SPECC1: variants seen among roughly 807,000 people sequenced by gnomAD.
SPECC1 encodes the protein sperm antigen with calponin homology and coiled-coil domains 1, also known as cytospin-B.
In SPECC1, 62 loss-of-function variants were observed where a neutral mutation model predicts 104.1. The observed-to-expected ratio is 0.60, with a 90% CI of 0.49 to 0.74. SPECC1 has a LOEUF of 0.74. Ranked by LOEUF, SPECC1 falls within the 30% of genes least tolerant of loss-of-function variation. The pLI is 0.00. For synonymous variants in SPECC1, 513 were observed against 501.6 expected, an observed-to-expected ratio of 1.02 and a Z score of -0.30; for missense variants, 1,306 against 1,310.5, an observed-to-expected ratio of 1.00 and a Z score of 0.05.
At chr17:20,025,495 C>T in intron 1 of SPECC1, among the ~76,000 whole-genome samples, 1 of 152,192 alleles carries the variant, frequency 6.6e-6, no homozygotes, top group Non-Finnish European at 1.5e-5. Flanking sequence ...GCTTCTTTCA[C>T]TTAGCATAAG....
intron 12 of SPECC1, among the ~76,000 whole-genome samples, chr17:20,283,412 C>A (rs1385954422): frequency 6.6e-6 from 1 of 152,204 alleles, no homozygotes; most frequent in Non-Finnish European, 1.5e-5. Context: ...ACAATAACAT[C>A]TTCATTAACC....
chr17:20,094,032 T>C (rs2047531225), intron 1 of SPECC1, among the ~76,000 whole-genome samples: 1 of 151,944 alleles, frequency 6.6e-6, no homozygotes, highest in Non-Finnish European at 1.5e-5. Context: ...CCAGCCTATA[T>C]TGTATATTTT....
At chr17:20,267,643 C>T (rs890798071) in intron 12 of SPECC1, among the ~76,000 whole-genome samples, 5 of 151,942 alleles carry the variant, frequency 3.3e-5, no homozygotes, top group African/African-American at 9.7e-5. Flanking sequence ...GGAGGGGGCA[C>T]GTGAGAAGGA....
At chr17:20,231,448 T>C (rs2038572579) in intron 5 of SPECC1, among the ~76,000 whole-genome samples, 1 of 152,172 alleles carries the variant, frequency 6.6e-6, no homozygotes, top group African/African-American at 2.4e-5. Context: ...TATGCAAGTG[T>C]GCATGGCCAT....
At chr17:20,193,206 T>C (rs2035787501) in intron 3 of SPECC1, among the ~76,000 whole-genome samples, 1 of 152,222 alleles carries the variant, frequency 6.6e-6, no homozygotes, top group South Asian at 2.1e-4. Flanking sequence ...GTCACTCTTG[T>C]GGCCATCTTG....
intron 11 of SPECC1, among the ~76,000 whole-genome samples, chr17:20,259,825 A>G (rs1392211868): frequency 2.0e-5 from 3 of 152,104 alleles, no homozygotes; most frequent in Non-Finnish European, 2.9e-5. Context: ...TACCTTTTAC[A>G]TGTTATTTAG....
intron 12 of SPECC1, among the ~76,000 whole-genome samples, chr17:20,284,389 C>T (rs182205606): frequency 6.6e-6 from 1 of 152,360 alleles, no homozygotes; most frequent in African/African-American, 2.4e-5. Flanking sequence ...ATGTGCAGGT[C>T]TCCACAAGTC....
intron 3 of SPECC1, among the ~76,000 whole-genome samples, chr17:20,144,055 C>G (rs1182977331): frequency 1.3e-5 from 2 of 151,926 alleles, no homozygotes; most frequent in Admixed American, 1.3e-4. Context: ...AGAGTCCTCG[C>G]TTTGAGAAAA....
chr17:20,049,221 T>G (rs1384736026), intron 1 of SPECC1, among the ~76,000 whole-genome samples: 4 of 152,160 alleles, frequency 2.6e-5, no homozygotes, highest in African/African-American at 9.7e-5. Flanking sequence ...CTCACCAACA[T>G]GATGATGTTT....
chr17:20,227,308 T>TA (rs2038278500), intron 4 of SPECC1, 105 bp from the exon 5 acceptor site: 1 of 904,394 alleles, frequency 1.1e-6, no homozygotes, highest in Non-Finnish European at 1.7e-6. Flanking sequence ...TCAGGTTTGT[T>TA]ACATGGGTAT....
chr17:20,114,507 T>C (rs988184398), intron 3 of SPECC1, among the ~76,000 whole-genome samples: 2 of 150,822 alleles, frequency 1.3e-5, no homozygotes, highest in African/African-American at 5.0e-5. Flanking sequence ...TTTTTTGTTT[T>C]TTTTTTTAGT....
chr17:20,295,014 C>CTATTAT (rs34174703), intron 12 of SPECC1, among the ~76,000 whole-genome samples: 3,250 of 149,286 alleles, frequency 0.022, 51 homozygotes, highest in Admixed American at 0.066. Context: ...AGATTCCCAT[C>CTATTAT]TATTATTATT....
intron 1 of SPECC1, among the ~76,000 whole-genome samples, chr17:20,058,136 G>A (rs1219291513): frequency 6.6e-6 from 1 of 152,176 alleles, no homozygotes; most frequent in Non-Finnish European, 1.5e-5. Context: ...TGAGATCACA[G>A]AAATGGTCTT....
intron 8 of SPECC1, 140 bp downstream of exon 8, chr17:20,246,211 C>A: frequency 1.0e-6 from 1 of 954,522 alleles, no homozygotes; most frequent in Non-Finnish European, 1.5e-6. Context: ...CCACGTGCAG[C>A]CACTGCATGC....
At chr17:20,106,086 G>C (rs893466571) in intron 2 of SPECC1, among the ~76,000 whole-genome samples, 1 of 152,182 alleles carries the variant, frequency 6.6e-6, no homozygotes. Flanking sequence ...AGAATCCACC[G>C]TGTATGGCTT....
chr17:20,088,624 CAAGATGA>C (rs1275614381), intron 1 of SPECC1, among the ~76,000 whole-genome samples: 5 of 152,096 alleles, frequency 3.3e-5, no homozygotes, highest in Non-Finnish European at 7.4e-5. Flanking sequence ...GTGAATACCC[CAAGATGA>C]GAACCGCAAG....
intron 7 of SPECC1, among the ~76,000 whole-genome samples, chr17:20,240,427 A>G (rs2039151497): frequency 6.6e-6 from 1 of 152,002 alleles, no homozygotes; most frequent in African/African-American, 2.4e-5. Flanking sequence ...TCTTTATCAT[A>G]GAAAATTTTA....
chr17:20,286,291 C>T (rs917871195), intron 12 of SPECC1, among the ~76,000 whole-genome samples: 1 of 152,156 alleles, frequency 6.6e-6, no homozygotes, highest in Non-Finnish European at 1.5e-5. Flanking sequence ...AAGGAAAATA[C>T]CAGAAGGTAA....
intron 3 of SPECC1, among the ~76,000 whole-genome samples, chr17:20,171,388 T>A (rs1032235246): frequency 1.5e-4 from 23 of 152,224 alleles, no homozygotes; most frequent in African/African-American, 5.5e-4. Flanking sequence ...ATACCAGTAA[T>A]CAGATCAATG....
Sources: gnomAD v4.1 joint callset for allele counts (sites outside exome capture counted in the v4.1 genomes callset) on GRCh38, gnomAD v4.1.1 for gene constraint, MANE v1.5 for transcripts, NCBI Gene and HGNC (gene_info 2026-07-23, HGNC 2026-07-21) for gene names.